Variants in SV2C observed in about 807,000 individuals in gnomAD.
SV2C encodes the protein synaptic vesicle glycoprotein 2C.
Under a neutral mutation model 79.7 loss-of-function variants are expected in SV2C, and 49 were observed. The ratio of observed to expected loss-of-function variants is 0.61; its 90% CI spans 0.49 to 0.78. The LOEUF (loss-of-function observed/expected upper bound fraction) is 0.78, where lower values mean the gene tolerates loss of function less well. Ranked by LOEUF, SV2C falls within the 30% of genes least tolerant of loss-of-function variation. SV2C has a pLI of 0.00. For synonymous variants in SV2C, 334 were observed against 333.2 expected (o/e 1.00, Z -0.03); for missense variants, 833 against 912.9 (o/e 0.91, Z 1.13).
chr5:75,854,196 A>T, the SV2C span, among the ~76,000 whole-genome samples: 1 of 152,166 alleles, frequency 6.6e-6, no homozygotes, highest in Non-Finnish European at 1.5e-5. Flanking sequence ...CATTTTTCAC[A>T]TATATGTACT....
chr5:76,323,981 C>T (rs532541256), intron 12 of SV2C, among the ~76,000 whole-genome samples: 24 of 151,936 alleles, frequency 1.6e-4, no homozygotes, highest in Non-Finnish European at 2.8e-4. Flanking sequence ...CAAACCTGCA[C>T]GTTCTGCACA....
At chr5:76,300,043 G>A (rs1377496814) in intron 10 of SV2C, among the ~76,000 whole-genome samples, 2 of 151,996 alleles carry the variant, frequency 1.3e-5, no homozygotes, top group African/African-American at 2.4e-5. Context: ...TCATAAAATG[G>A]CAATGATAAG....
At chr5:75,909,427 G>T in the SV2C span, among the ~76,000 whole-genome samples, 1 of 152,200 alleles carries the variant, frequency 6.6e-6, no homozygotes, top group Non-Finnish European at 1.5e-5. Flanking sequence ...CTAGCTAATT[G>T]TAGCTGCTGG....
At chr5:76,119,875 G>A (rs754214425) in intron 1 of SV2C, among the ~76,000 whole-genome samples, 4 of 152,178 alleles carry the variant, frequency 2.6e-5, no homozygotes, top group Non-Finnish European at 4.4e-5. Context: ...AACGATGAAA[G>A]AGATTTTATT....
intron 4 of SV2C, among the ~76,000 whole-genome samples, chr5:76,237,360 C>A (rs185497121): frequency 3.9e-5 from 6 of 152,142 alleles, no homozygotes; most frequent in African/African-American, 1.4e-4. Flanking sequence ...TCTATAGTCT[C>A]ATAATGTAGG....
At chr5:76,265,081 T>G (rs960422504) in intron 4 of SV2C, among the ~76,000 whole-genome samples, 5 of 152,176 alleles carry the variant, frequency 3.3e-5, no homozygotes, top group African/African-American at 1.2e-4. Context: ...TGCTCTGTCC[T>G]AGGGAGATGG....
chr5:76,144,407 G>A (rs1310868392), intron 2 of SV2C, among the ~76,000 whole-genome samples: 1 of 152,186 alleles, frequency 6.6e-6, no homozygotes, highest in African/African-American at 2.4e-5. Context: ...TGTGGAAGGG[G>A]TGGGGTTGGA....
the SV2C span, among the ~76,000 whole-genome samples, chr5:75,943,106 A>G: frequency 2.0e-5 from 3 of 152,198 alleles, no homozygotes; most frequent in African/African-American, 7.2e-5. Context: ...TGTAGCATTA[A>G]GCACTCTCTG....
At chr5:76,171,773 C>T (rs1290545271) in intron 2 of SV2C, among the ~76,000 whole-genome samples, 36 of 128,098 alleles carry the variant, frequency 2.8e-4, no homozygotes, top group Admixed American at 1.1e-3. Context: ...GGGTCAGCCC[C>T]CCGCCCGGCC....
At chr5:76,043,136 A>T in the SV2C span, among the ~76,000 whole-genome samples, 2 of 152,192 alleles carry the variant, frequency 1.3e-5, no homozygotes, top group African/African-American at 4.8e-5. Context: ...TACACTAGCC[A>T]TGCAGAAAGC....
intron 11 of SV2C, 148 bp from the exon 12 acceptor site, chr5:76,301,238 T>G (rs1424583045): frequency 4.9e-6 from 5 of 1,025,236 alleles, no homozygotes; most frequent in African/African-American, 3.2e-5. Flanking sequence ...TTCATTCAGG[T>G]GAATGCACCA....
Position 76,285,872 on chromosome 5 carries a change from T to A in SV2C, c.1137+2T>A. On this transcript the variant is annotated splice_donor_variant, in intron 6 of 12. Coordinates refer to ENST00000502798, the MANE Select transcript of SV2C (RefSeq NM_014979.4). LOFTEE classifies it high-confidence loss of function. ...GGTCAGCCTGAGAAGGTCTTCACGG[T>A]GAGTCTTCTCCCCAGAGAATCCTCA... 6.2e-7 allele frequency: 1 copy of A among 1,613,136 alleles called. No individual in the cohort carries two copies. The highest frequency in any genetic ancestry group is 8.5e-7 in the Non-Finnish European group (1 of 1,179,392).
At chr5:76,187,379 AT>A (rs1242890961) in intron 2 of SV2C, among the ~76,000 whole-genome samples, 1 of 152,182 alleles carries the variant, frequency 6.6e-6, no homozygotes, top group Non-Finnish European at 1.5e-5. Flanking sequence ...AAGTAGCACT[AT>A]TGCTTGACAT....
At chr5:76,321,608 G>A (rs143752983) in intron 12 of SV2C, among the ~76,000 whole-genome samples, 3 of 151,924 alleles carry the variant, frequency 2.0e-5, no homozygotes, top group Admixed American at 6.6e-5. Context: ...GGGCATGGTG[G>A]TGCACGCCTG....
the SV2C span, among the ~76,000 whole-genome samples, chr5:75,851,848 A>G: frequency 6.6e-6 from 1 of 152,198 alleles, no homozygotes; most frequent in African/African-American, 2.4e-5. Context: ...TATTTTTAGT[A>G]GAGACAGGGT....
At chr5:76,131,296 G>T (rs1002853964) in intron 1 of SV2C, among the ~76,000 whole-genome samples, 9 of 152,090 alleles carry the variant, frequency 5.9e-5, no homozygotes, top group Admixed American at 5.9e-4. Flanking sequence ...CTCAATCAAG[G>T]TATATGCTTG....
intron 4 of SV2C, among the ~76,000 whole-genome samples, chr5:76,237,385 A>G (rs1271151122): frequency 6.6e-6 from 1 of 152,134 alleles, no homozygotes. Flanking sequence ...CAACATAATG[A>G]AATGTATTGG....
At chr5:76,298,204 T>C (rs2112518318) in intron 9 of SV2C, among the ~76,000 whole-genome samples, 1 of 152,302 alleles carries the variant, frequency 6.6e-6, no homozygotes, top group East Asian at 1.9e-4. Context: ...AGAAAAATTA[T>C]CCTGGAAATG....
the SV2C span, among the ~76,000 whole-genome samples, chr5:75,917,712 T>C: frequency 1.3e-5 from 2 of 152,060 alleles, no homozygotes; most frequent in Non-Finnish European, 2.9e-5. Context: ...TGTTAATAGG[T>C]ACCCCAAAAA....
Sources: allele counts gnomAD v4.1 joint callset (sites outside exome capture counted in the v4.1 genomes callset), GRCh38; gene constraint gnomAD v4.1.1; transcripts MANE v1.5; gene names NCBI Gene and HGNC (gene_info 2026-07-23, HGNC 2026-07-21).